TDRD5: variants seen among roughly 807,000 people sequenced by gnomAD.
TDRD5 encodes the protein tudor domain-containing protein 5.
A neutral mutation model predicts 120.6 loss-of-function variants in TDRD5; 41 were observed. That is an observed-to-expected ratio of 0.34 (90% CI 0.26 to 0.44). The LOEUF (loss-of-function observed/expected upper bound fraction) is 0.44. Among genes scored for constraint, TDRD5 ranks in the 20% least tolerant of loss-of-function variants. The probability of loss-of-function intolerance (pLI) is 1.00; values close to 1 mark genes in which losing one functional copy is unlikely to be tolerated. For missense variants in TDRD5, 1,006 were observed against 1,221.2 expected (o/e 0.82, Z 2.63); for synonymous variants, 430 against 433.7 (o/e 0.99, Z 0.11).
intron 17 of TDRD5, among the ~76,000 whole-genome samples, chr1:179,683,698 T>C (rs1680548642): frequency 6.6e-6 from 1 of 152,256 alleles, no homozygotes; most frequent in Non-Finnish European, 1.5e-5. Context: ...AAATGTGGTC[T>C]ACATACTGGT....
At chr1:179,689,724 T>G (rs1681008236) in intron 17 of TDRD5, among the ~76,000 whole-genome samples, 1 of 152,176 alleles carries the variant, frequency 6.6e-6, no homozygotes, top group African/African-American at 2.4e-5. Context: ...CCTGGCTACT[T>G]TGGTTACCTA....
chr1:179,657,377 A>G (rs1333335213), intron 14 of TDRD5, among the ~76,000 whole-genome samples: 2 of 152,180 alleles, frequency 1.3e-5, no homozygotes, highest in Admixed American at 6.5e-5. Context: ...GAGAGCTATT[A>G]TAAATGTTTT....
At chr1:179,639,457 T>C (rs185912422) in intron 9 of TDRD5, among the ~76,000 whole-genome samples, 5 of 152,216 alleles carry the variant, frequency 3.3e-5, no homozygotes, top group Admixed American at 3.3e-4. Context: ...TGAAACAGGA[T>C]AGGGTAACGC....
intron 4 of TDRD5, 59 bp from the exon 5 acceptor site, chr1:179,618,540 C>T (rs1676676047): frequency 1.5e-6 from 2 of 1,320,492 alleles, no homozygotes; most frequent in Non-Finnish European, 2.1e-6. Context: ...CTTAGATCTA[C>T]CTTTGACTTT....
At chr1:179,657,264 T>C (rs1679055328) in intron 14 of TDRD5, among the ~76,000 whole-genome samples, 1 of 152,142 alleles carries the variant, frequency 6.6e-6, no homozygotes, top group East Asian at 1.9e-4. Flanking sequence ...TATCTCCCCA[T>C]TTATTTAGGT....
At chr1:179,634,653 C>T in intron 8 of TDRD5, 24 bp downstream of exon 8, 1 of 1,576,288 alleles carries the variant, frequency 6.3e-7, no homozygotes, top group Non-Finnish European at 8.6e-7. Flanking sequence ...AAAGACTGTG[C>T]ACTGGAGATT....
At chr1:179,628,471 T>TC (rs34416136) in intron 6 of TDRD5, among the ~76,000 whole-genome samples, 50,332 of 149,256 alleles carry the variant, frequency 0.34, 8,707 homozygotes, top group Admixed American at 0.42. Flanking sequence ...GCTAAGTTTT[T>TC]TTTTTTTTTT....
chr1:179,639,571 G>A (rs1464192199), intron 9 of TDRD5, among the ~76,000 whole-genome samples: 1 of 152,136 alleles, frequency 6.6e-6, no homozygotes, highest in Non-Finnish European at 1.5e-5. Flanking sequence ...GGCAGTACTG[G>A]GGAATGAAGA....
At chr1:179,671,257 G>A (rs1241852461) in intron 17 of TDRD5, among the ~76,000 whole-genome samples, 2 of 152,080 alleles carry the variant, frequency 1.3e-5, no homozygotes, top group African/African-American at 4.8e-5. Context: ...AATAAGTCTT[G>A]AAATCACATA....
At chr1:179,599,467 C>G (rs1471854202) in intron 4 of TDRD5, among the ~76,000 whole-genome samples, 1 of 150,848 alleles carries the variant, frequency 6.6e-6, no homozygotes, top group African/African-American at 2.4e-5. Context: ...GCTTTCTTTG[C>G]AGAAAGGTTT....
intron 6 of TDRD5, 84 bp from the exon 7 acceptor site, chr1:179,630,683 A>T: frequency 1.4e-6 from 2 of 1,391,546 alleles, no homozygotes; most frequent in South Asian, 1.4e-5. Flanking sequence ...TTTAAGATTT[A>T]GTTTGGTTGT....
chr1:179,596,519 G>A (rs944466034), intron 4 of TDRD5, among the ~76,000 whole-genome samples: 7 of 152,080 alleles, frequency 4.6e-5, no homozygotes, highest in Non-Finnish European at 1.0e-4. Context: ...GACAACCACT[G>A]CTTTCTATGA....
intron 4 of TDRD5, among the ~76,000 whole-genome samples, chr1:179,603,881 G>A (rs1675839591): frequency 6.6e-6 from 1 of 152,080 alleles, no homozygotes; most frequent in South Asian, 2.1e-4. Flanking sequence ...TTAGGGTGAT[G>A]CTGGTTTTAT....
intron 4 of TDRD5, 127 bp downstream of exon 4, chr1:179,595,945 A>G (rs10913825): frequency 0.065 from 60,082 of 931,258 alleles, 2,308 homozygotes; most frequent in African/African-American, 0.075. Flanking sequence ...AAATTTGACT[A>G]AGCATTTCCT....
At chr1:179,631,190 G>A (rs1677426688) in intron 7 of TDRD5, among the ~76,000 whole-genome samples, 1 of 152,144 alleles carries the variant, frequency 6.6e-6, no homozygotes, top group Admixed American at 6.5e-5. Flanking sequence ...AGGCGATTGA[G>A]ACCATCCTGG....
chr1:179,638,164 C>G (rs1677874912), intron 9 of TDRD5, among the ~76,000 whole-genome samples: 1 of 64,486 alleles, frequency 1.6e-5, no homozygotes, highest in South Asian at 5.0e-4. Flanking sequence ...AAGATGTTTT[C>G]TCTTATTCTG....
At chr1:179,677,143 T>G (rs182029135) in intron 17 of TDRD5, among the ~76,000 whole-genome samples, 4 of 152,246 alleles carry the variant, frequency 2.6e-5, no homozygotes, top group Admixed American at 2.6e-4. Flanking sequence ...ATTCTATTGC[T>G]GAGCCTTTCC....
chr1:179,618,694 C>A lies in TDRD5; in HGVS notation c.915+12C>A. 1.9e-6 allele frequency: 3 copies of A among 1,544,286 alleles called. No homozygotes were observed. Among genetic ancestry groups the A allele is most frequent in the South Asian group, 1.3e-5 (1 of 79,404 alleles). On this transcript the variant is annotated intron_variant, in intron 5 of 17. Transcript: ENST00000444136. ...ATAAGATAAAATTTGTAAGTAATTTCTGTTTCTGGGAGACAATAATAATTG... is the reference window on the plus strand; with the variant it reads ...ATAAGATAAAATTTGTAAGTAATTTATGTTTCTGGGAGACAATAATAATTG...
At chr1:179,687,212 A>G (rs928418294) in intron 17 of TDRD5, among the ~76,000 whole-genome samples, 1 of 152,284 alleles carries the variant, frequency 6.6e-6, no homozygotes, top group South Asian at 2.1e-4. Flanking sequence ...ACACTGCTTT[A>G]AATGTGTCCC....
Sources: gnomAD v4.1 joint callset for allele counts (sites outside exome capture counted in the v4.1 genomes callset) on GRCh38, gnomAD v4.1.1 for gene constraint, MANE v1.5 for transcripts, NCBI Gene and HGNC (gene_info 2026-07-23, HGNC 2026-07-21) for gene names.